Variants in NRXN1 observed in about 807,000 individuals in gnomAD.
NRXN1 encodes neurexin 1.
NRXN1 carries 39 observed loss-of-function variants against 150.9 expected under a neutral mutation model. The ratio of observed to expected loss-of-function variants is 0.26; its 90% CI spans 0.20 to 0.34. NRXN1 has a LOEUF of 0.34. Among genes scored for constraint, NRXN1 ranks in the 10% least tolerant of loss-of-function variants. NRXN1 has a pLI of 1.00. For missense variants in NRXN1, 1,815 were observed against 1,949.9 expected, an observed-to-expected ratio of 0.93 and a Z score of 1.30; for synonymous variants, 924 against 757.0, an observed-to-expected ratio of 1.22 and a Z score of -3.62.
rs1162574887 is a variant in NRXN1 at position 50,346,884 on chromosome 2, G to GCCGCCGCCGCCGCCGCCC, written c.3365-109932_3365-109915dup. On this transcript the variant is annotated intron_variant, in intron 17 of 22. Coordinates refer to ENST00000401669, the MANE Select transcript of NRXN1 (RefSeq NM_001330078.2). The surrounding 1 kb of genome is among the most constrained non-coding windows in gnomAD (Gnocchi z 5.0). The stretch of plus-strand genomic sequence containing the variant: ...GGCGCCCCCCTGCGCCGCCGCCGCC[G>GCCGCCGCCGCCGCCGCCC]CCGCCGCCGCCGCCGCCCCCGGGCG... The GCCGCCGCCGCCGCCGCCC allele has an allele frequency of 7.7e-7, 1 of 1,303,122 alleles. No individual in the cohort carries two copies. The highest frequency in any genetic ancestry group is 9.7e-7 in the Non-Finnish European group (1 of 1,030,862). The allele number at this position is 1,303,122 out of a possible 1,614,324, so 80.7% of individuals were successfully genotyped here.
At chr2:49,922,843 T>C in intron 22 of NRXN1, among the ~76,000 whole-genome samples, 1 of 152,324 alleles carries the variant, frequency 6.6e-6, no homozygotes, top group Non-Finnish European at 1.5e-5. Flanking sequence ...TCCATTTTGT[T>C]GGAGATTCAT....
intron 17 of NRXN1, among the ~76,000 whole-genome samples, chr2:50,295,828 C>A (rs12622665): frequency 0.037 from 5,658 of 152,280 alleles, 147 homozygotes; most frequent in Non-Finnish European, 0.056. Flanking sequence ...TCACAAATAA[C>A]TGGGAAAATT....
chr2:50,009,174 C>T (rs552401077), intron 21 of NRXN1, among the ~76,000 whole-genome samples: 1 of 152,100 alleles, frequency 6.6e-6, no homozygotes, highest in African/African-American at 2.4e-5. Context: ...TTGGACTAGA[C>T]TTTACCATGG....
At chr2:50,539,365 T>C (rs993815132) in intron 9 of NRXN1, among the ~76,000 whole-genome samples, 1 of 152,224 alleles carries the variant, frequency 6.6e-6, no homozygotes, top group African/African-American at 2.4e-5. Flanking sequence ...TAGTTATTTA[T>C]TTAAATTAAC....
intron 21 of NRXN1, among the ~76,000 whole-genome samples, chr2:50,049,533 G>A (rs1692368546): frequency 6.6e-6 from 1 of 152,112 alleles, no homozygotes; most frequent in Non-Finnish European, 1.5e-5. Context: ...TCTCTCTACA[G>A]TATGTATGTA....
chr2:50,101,842 G>A (rs964909349), intron 18 of NRXN1, among the ~76,000 whole-genome samples: 1 of 151,876 alleles, frequency 6.6e-6, no homozygotes, highest in Non-Finnish European at 1.5e-5. Flanking sequence ...GTGTTTGATG[G>A]ACTGACTTCC....
chr2:50,661,114 C>A (rs2104641555), intron 5 of NRXN1, among the ~76,000 whole-genome samples: 1 of 151,986 alleles, frequency 6.6e-6, no homozygotes, highest in Middle Eastern at 3.4e-3. Flanking sequence ...TGTACTTTTA[C>A]TATTCACATT....
intron 17 of NRXN1, among the ~76,000 whole-genome samples, chr2:50,302,709 G>GA (rs2074269378): frequency 6.6e-6 from 1 of 152,126 alleles, no homozygotes; most frequent in Non-Finnish European, 1.5e-5. Flanking sequence ...GCACATGGCT[G>GA]AAAACATCTT....
At chr2:50,974,154 T>A (rs1695467480) in intron 2 of NRXN1, among the ~76,000 whole-genome samples, 1 of 152,160 alleles carries the variant, frequency 6.6e-6, no homozygotes, top group South Asian at 2.1e-4. Flanking sequence ...TTATTCAAAC[T>A]GCCATTTTTT....
Position 50,346,851 on chromosome 2 carries a change from C to A in NRXN1, c.3365-109881G>T. On this transcript the variant is annotated intron_variant, in intron 17 of 22. Coordinates refer to ENST00000401669, the MANE Select transcript of NRXN1 (RefSeq NM_001330078.2). This position sits in a 1 kb window ranked among gnomAD's most constrained non-coding sequence, Gnocchi z 5.0. ...TGAGGGTGAGCGGGACTATCCAAAGCAGGGCCAGGCGCCCCCCTGCGCCGC... is the reference window on the plus strand; with the variant it reads ...TGAGGGTGAGCGGGACTATCCAAAGAAGGGCCAGGCGCCCCCCTGCGCCGC... 8 of 1,567,950 alleles carry A rather than the reference C, an allele frequency of 5.1e-6. No homozygotes were observed. Among genetic ancestry groups the A allele is most frequent in the Non-Finnish European group, 6.9e-6 (8 of 1,157,292 alleles).
chr2:50,880,364 T>G (rs964201652), intron 5 of NRXN1, among the ~76,000 whole-genome samples: 1 of 151,962 alleles, frequency 6.6e-6, no homozygotes, highest in African/African-American at 2.4e-5. Context: ...ATTTCTTGCT[T>G]GTCAAGTTAA....
intron 17 of NRXN1, among the ~76,000 whole-genome samples, chr2:50,341,551 G>C (rs2077549540): frequency 6.6e-6 from 1 of 152,220 alleles, no homozygotes; most frequent in African/African-American, 2.4e-5. Context: ...CACAGTGCTA[G>C]TAAATGGCAA....
chr2:51,015,927 C>G (rs549984655), intron 2 of NRXN1, among the ~76,000 whole-genome samples: 1 of 151,962 alleles, frequency 6.6e-6, no homozygotes, highest in East Asian at 2.0e-4. Context: ...AAATCCCAAG[C>G]AAAAAGAACA....
intron 5 of NRXN1, among the ~76,000 whole-genome samples, chr2:50,769,114 T>C (rs1702707046): frequency 6.6e-6 from 1 of 152,102 alleles, no homozygotes; most frequent in South Asian, 2.1e-4. Context: ...GTATGAGTTT[T>C]TGACAATGCT....
At chr2:50,892,649 G>T (rs1277338053) in intron 5 of NRXN1, among the ~76,000 whole-genome samples, 1 of 151,988 alleles carries the variant, frequency 6.6e-6, no homozygotes, top group African/African-American at 2.4e-5. Flanking sequence ...ATAAAAACCT[G>T]CAAACATTTA....
At position 50,531,218 on chromosome 2, in the gene NRXN1, G is replaced by A. The variant is rs776217059; in HGVS notation, c.2347+9C>T. The A allele has an allele frequency of 6.2e-7, 1 of 1,609,054 alleles. No homozygotes were observed. Among genetic ancestry groups the A allele is most frequent in the Admixed American group, 1.7e-5 (1 of 59,794 alleles). On this transcript the variant is annotated intron_variant, in intron 11 of 22. Coordinates refer to ENST00000401669, the MANE Select transcript of NRXN1 (RefSeq NM_001330078.2). ...AGTGTTAGTTCAATGGGGGAAGGCA[G>A]GTTGTTACCTAGATTGACCGTCAGT...
At chr2:50,643,998 A>G (rs1684437435) in intron 5 of NRXN1, among the ~76,000 whole-genome samples, 1 of 151,756 alleles carries the variant, frequency 6.6e-6, no homozygotes, top group Non-Finnish European at 1.5e-5. Context: ...CAGAGGCACA[A>G]AGTTGTTGGT....
chr2:50,499,538 G>T (rs1374894010), intron 13 of NRXN1, among the ~76,000 whole-genome samples: 1 of 151,806 alleles, frequency 6.6e-6, no homozygotes, highest in Non-Finnish European at 1.5e-5. Context: ...ATTGTTCTGT[G>T]GGGATCTACT....
intron 14 of NRXN1, 101 bp from the exon 15 acceptor site, chr2:50,496,196 T>A: frequency 3.6e-6 from 3 of 830,478 alleles, no homozygotes; most frequent in Non-Finnish European, 5.7e-6. Context: ...GGTGGTTCCA[T>A]CCTTACTAGA....
Sources: gnomAD v4.1 joint callset for allele counts (sites outside exome capture counted in the v4.1 genomes callset) on GRCh38, gnomAD v4.1.1 for gene constraint, Gnocchi (gnomAD v3.1) non-coding constraint, MANE v1.5 for transcripts, NCBI Gene and HGNC (gene_info 2026-07-23, HGNC 2026-07-21) for gene names.